Variants in CYTH1 observed in about 807,000 individuals in gnomAD.
CYTH1 encodes cytohesin 1.
Under a neutral mutation model 61.8 loss-of-function variants are expected in CYTH1, and 18 were observed. The ratio of observed to expected loss-of-function variants is 0.29; its 90% confidence interval spans 0.20 to 0.43. The LOEUF (loss-of-function observed/expected upper bound fraction) is 0.43, where lower values mean the gene tolerates loss of function less well. CYTH1 is among the 20% of genes least tolerant of loss of function. The pLI, the probability that CYTH1 is intolerant of heterozygous loss-of-function variation, is 1.00. For missense variants in CYTH1, 336 were observed against 510.5 expected (o/e 0.66, Z 3.29); for synonymous variants, 174 against 184.3 (o/e 0.94, Z 0.45).
At chr17:78,724,726 C>T (rs924184114) in intron 1 of CYTH1, among the ~76,000 whole-genome samples, 2 of 152,188 alleles carry the variant, frequency 1.3e-5, no homozygotes, top group Admixed American at 6.5e-5. Flanking sequence ...AGTCTCCTGC[C>T]GTTAGGAAAT....
chr17:78,726,372 G>C (rs1009178014), intron 1 of CYTH1, among the ~76,000 whole-genome samples: 5 of 152,060 alleles, frequency 3.3e-5, no homozygotes, highest in African/African-American at 1.2e-4. Context: ...TCACTGCATG[G>C]AAACGAGGCC....
At chr17:78,761,662 C>G (rs1223475055) in intron 1 of CYTH1, among the ~76,000 whole-genome samples, 1 of 152,050 alleles carries the variant, frequency 6.6e-6, no homozygotes, top group Non-Finnish European at 1.5e-5. Context: ...GACGTGAACC[C>G]GGGAGGCGGA....
chr17:78,676,278 AC>A (rs2092697981), intron 13 of CYTH1, 109 bp from the exon 14 acceptor site: 2 of 1,048,108 alleles, frequency 1.9e-6, no homozygotes, highest in Non-Finnish European at 1.4e-6. Flanking sequence ...CACCTGTCCC[AC>A]CCCACCATCA....
chr17:78,746,207 TC>T (rs1001268213), intron 1 of CYTH1, among the ~76,000 whole-genome samples: 9 of 152,144 alleles, frequency 5.9e-5, no homozygotes, highest in African/African-American at 1.9e-4. Context: ...GGGGGTGGGG[TC>T]AGGTATTGTT....
chr17:78,677,287 G>A, intron 13 of CYTH1: 1 of 360,402 alleles, frequency 2.8e-6, no homozygotes, highest in Admixed American at 3.6e-5. Flanking sequence ...GGGTAAGCTG[G>A]GGGGTTCTGC....
intron 1 of CYTH1, 103 bp from the exon 2 acceptor site, chr17:78,709,835 G>T: frequency 1.0e-6 from 1 of 1,004,034 alleles, no homozygotes; most frequent in Non-Finnish European, 1.5e-6. Context: ...AAAGAAACTA[G>T]AAGTCAGTTT....
At chr17:78,741,731 G>C (rs991684089) in intron 1 of CYTH1, among the ~76,000 whole-genome samples, 1 of 152,196 alleles carries the variant, frequency 6.6e-6, no homozygotes, top group Admixed American at 6.5e-5. Context: ...ACCAGCAGGA[G>C]AGAATCACCT....
intron 1 of CYTH1, among the ~76,000 whole-genome samples, chr17:78,715,077 C>T (rs189482732): frequency 1.0e-3 from 155 of 152,044 alleles, no homozygotes; most frequent in African/African-American, 3.5e-3. Flanking sequence ...AAAATAAACT[C>T]GGTTGAATAA....
intron 1 of CYTH1, among the ~76,000 whole-genome samples, chr17:78,729,697 C>T (rs1393201962): frequency 6.6e-6 from 1 of 152,176 alleles, no homozygotes; most frequent in African/African-American, 2.4e-5. Flanking sequence ...TACCTAAAAA[C>T]TACTTGGTAA....
intron 1 of CYTH1, among the ~76,000 whole-genome samples, chr17:78,772,107 TA>T (rs1453061173): frequency 1.3e-5 from 2 of 152,152 alleles, no homozygotes; most frequent in Admixed American, 6.6e-5. Context: ...GACAATCAAG[TA>T]GTGTGGCAAC....
At position 78,692,502 on chromosome 17, in the gene CYTH1, CA is replaced by C. The variant is rs1402277665; in HGVS notation, c.815-10del. The C allele has an allele frequency of 1.9e-6, 3 of 1,613,482 alleles. No individual in the cohort carries two copies. The Admixed American group carries it at 5.0e-5, about 27-fold the overall frequency. On this transcript the variant is annotated splice_polypyrimidine_tract_variant and intron_variant, in intron 10 of 13. Coordinates refer to ENST00000446868, the MANE Select transcript of CYTH1 (RefSeq NM_004762.6). ...AGTCTTTACCCTGCCACCTGCAGAG[CA>C]AAAAGAGATGCACGTTCGACAAGAG...
intron 1 of CYTH1, among the ~76,000 whole-genome samples, chr17:78,748,632 T>G (rs1352098756): frequency 6.6e-6 from 1 of 152,206 alleles, no homozygotes; most frequent in Admixed American, 6.5e-5. Context: ...CTAAACCAAA[T>G]TCAGTTAGGA....
At chr17:78,775,127 C>T (rs748559570) in intron 1 of CYTH1, among the ~76,000 whole-genome samples, 82 of 152,358 alleles carry the variant, frequency 5.4e-4, no homozygotes, top group East Asian at 9.6e-4. Context: ...CCACAGACCA[C>T]AGGGTTAGTC....
intron 1 of CYTH1, chr17:78,736,830 A>C (rs1394856826): frequency 7.6e-6 from 2 of 263,442 alleles, no homozygotes; most frequent in Non-Finnish European, 1.7e-5. Context: ...GGCCGGGGAT[A>C]CCTGTGAAGC....
At chr17:78,764,900 A>T (rs1238536667) in intron 1 of CYTH1, among the ~76,000 whole-genome samples, 1 of 152,042 alleles carries the variant, frequency 6.6e-6, no homozygotes, top group East Asian at 1.9e-4. Context: ...CATGCGTAAT[A>T]AACATAATGA....
At chr17:78,702,303 A>T in intron 4 of CYTH1, 63 bp from the exon 5 acceptor site, 2 of 1,379,764 alleles carry the variant, frequency 1.4e-6, no homozygotes, top group Non-Finnish European at 2.1e-6. Context: ...AAGAAGGGGA[A>T]AGGGCACAGG....
intron 1 of CYTH1, among the ~76,000 whole-genome samples, chr17:78,750,751 G>A (rs1490764828): frequency 6.7e-6 from 1 of 148,232 alleles, no homozygotes; most frequent in Non-Finnish European, 1.5e-5. Context: ...GCAGTGAGCC[G>A]AGATCACACC....
In CYTH1 at chr17:78,756,086, T is replaced by A. The variant is rs887399809; in HGVS notation, c.22+26116A>T. 1.0e-4 allele frequency among the ~76,000 whole-genome samples: 15 copies of A among 149,974 alleles called. No individual in the cohort carries two copies. The East Asian group carries it at 1.2e-3, about 12-fold the overall frequency. On this transcript the variant is annotated intron_variant, in intron 1 of 13. Transcript: ENST00000446868. ...ATTTATTTATTTATTTTTATTTTTT[T>A]TTTTTTTGAGACAGAGTCTTGCTGT... is the stretch of plus-strand genomic sequence containing the variant.
chr17:78,757,245 G>T (rs2093405565), intron 1 of CYTH1, among the ~76,000 whole-genome samples: 1 of 151,922 alleles, frequency 6.6e-6, no homozygotes, highest in Non-Finnish European at 1.5e-5. Context: ...ACCATGCCCG[G>T]ACTCAAGGTT....
Sources: allele counts gnomAD v4.1 joint callset (sites outside exome capture counted in the v4.1 genomes callset), GRCh38; gene constraint gnomAD v4.1.1; transcripts MANE v1.5; gene names NCBI Gene and HGNC (gene_info 2026-07-23, HGNC 2026-07-21).